The following CSMD1 variants were observed in gnomAD, a reference collection of about 807,000 sequenced individuals.
CSMD1 encodes the protein CUB and Sushi multiple domains 1.
Under a neutral mutation model 417.5 loss-of-function variants are expected in CSMD1, and 213 were observed. The ratio of observed to expected loss-of-function variants is 0.51; its 90% CI spans 0.46 to 0.57. The LOEUF is 0.57. CSMD1 is among the 20% of genes least tolerant of loss of function. CSMD1 has a pLI of 0.00. For synonymous variants in CSMD1, 2,862 were observed against 1,736.8 expected (o/e 1.65, Z -16.11); for missense variants, 6,923 against 4,529.7 (o/e 1.53, Z -15.17).
chr8:4,987,573 A>G (rs1415716554), intron 1 of CSMD1, among the ~76,000 whole-genome samples: 1 of 152,236 alleles, frequency 6.6e-6, no homozygotes, highest in Non-Finnish European at 1.5e-5. Flanking sequence ...GCCAAAAAGT[A>G]AAAAATAAAA....
chr8:4,456,332 C>G (rs1563195427), intron 2 of CSMD1, among the ~76,000 whole-genome samples: 1 of 152,072 alleles, frequency 6.6e-6, no homozygotes, highest in Admixed American at 6.6e-5. Context: ...AAAAATTAGT[C>G]ATAGAGCAGG....
At chr8:4,482,421 G>A (rs368591113) in intron 2 of CSMD1, among the ~76,000 whole-genome samples, 2 of 152,130 alleles carry the variant, frequency 1.3e-5, no homozygotes, top group East Asian at 3.9e-4. Context: ...CAAAGGACAT[G>A]ATCTTATTTG....
chr8:3,087,345 T>C (rs1050873654), intron 48 of CSMD1, 60 bp from the exon 49 acceptor site: 10 of 1,545,208 alleles, frequency 6.5e-6, no homozygotes, highest in African/African-American at 2.7e-5. Context: ...GCCAGTGCCA[T>C]TGCCTTTGTG....
At chr8:4,070,718 A>C (rs748151112) in intron 3 of CSMD1, among the ~76,000 whole-genome samples, 2 of 152,102 alleles carry the variant, frequency 1.3e-5, no homozygotes, top group African/African-American at 4.8e-5. Flanking sequence ...GGTTGTTTCC[A>C]TGAAGCCCGA....
chr8:3,494,749 G>T (rs968779934), intron 10 of CSMD1, among the ~76,000 whole-genome samples: 2 of 152,162 alleles, frequency 1.3e-5, no homozygotes, highest in African/African-American at 4.8e-5. Flanking sequence ...AGAAAGGAAG[G>T]CGGAAGAGAG....
intron 2 of CSMD1, among the ~76,000 whole-genome samples, chr8:4,488,999 C>T (rs528405724): frequency 6.6e-6 from 1 of 152,322 alleles, no homozygotes; most frequent in East Asian, 1.9e-4. Context: ...GCACGTCCGC[C>T]TCCCAGCTTC....
intron 7 of CSMD1, among the ~76,000 whole-genome samples, chr8:3,670,616 G>C (rs895293290): frequency 6.8e-6 from 1 of 146,204 alleles, no homozygotes; most frequent in African/African-American, 2.5e-5. Context: ...ATATATATGG[G>C]GATATATATA....
At chr8:4,061,745 A>G (rs940631111) in intron 3 of CSMD1, among the ~76,000 whole-genome samples, 2 of 152,150 alleles carry the variant, frequency 1.3e-5, no homozygotes, top group African/African-American at 2.4e-5. Flanking sequence ...CTAATGAGTG[A>G]GTCACCTCTC....
chr8:4,046,721 A>G (rs1313629347), intron 3 of CSMD1, among the ~76,000 whole-genome samples: 1 of 152,170 alleles, frequency 6.6e-6, no homozygotes, highest in Non-Finnish European at 1.5e-5. Flanking sequence ...TAAATGACCT[A>G]ATGATTTAAA....
In CSMD1 at chr8:4,407,173, A is replaced by G. The variant is rs1004104435; in HGVS notation, c.415+12780T>C. On this transcript the variant is annotated intron_variant, in intron 3 of 69. Coordinates refer to ENST00000635120, the MANE Select transcript of CSMD1 (RefSeq NM_033225.6). The stretch of plus-strand genomic sequence containing the variant: ...AAAAGAGTAACTCTGGCCCTTTACC[A>G]AAGAAGTTTGCCAGTCCTCTTTAGA... 5.9e-5 allele frequency among the ~76,000 whole-genome samples: 9 copies of G among 152,302 alleles called. No individual in the cohort carries two copies. The South Asian group carries it at 1.2e-3, about 21-fold the overall frequency.
intron 3 of CSMD1, among the ~76,000 whole-genome samples, chr8:4,396,428 C>G (rs893106937): frequency 6.6e-6 from 1 of 152,160 alleles, no homozygotes; most frequent in Non-Finnish European, 1.5e-5. Flanking sequence ...GACTGCACCA[C>G]TGAACTCTAG....
chr8:3,962,735 T>C (rs577808713), intron 5 of CSMD1, among the ~76,000 whole-genome samples: 1 of 152,242 alleles, frequency 6.6e-6, no homozygotes, highest in Admixed American at 6.5e-5. Context: ...CGGGTTGGAC[T>C]CAAGGCTGGA....
At chr8:3,029,269 G>C (rs962886594) in intron 51 of CSMD1, 50 bp downstream of exon 51, 4 of 1,488,804 alleles carry the variant, frequency 2.7e-6, no homozygotes, top group East Asian at 2.3e-5. Flanking sequence ...AAGCCATCTA[G>C]AATAATCTAG....
chr8:4,973,036 A>C (rs1290857641), intron 1 of CSMD1, among the ~76,000 whole-genome samples: 1 of 152,178 alleles, frequency 6.6e-6, no homozygotes, highest in Non-Finnish European at 1.5e-5. Flanking sequence ...TAAAAGATGT[A>C]GTAAAGAAGG....
At chr8:4,307,934 G>A (rs1158786566) in intron 3 of CSMD1, among the ~76,000 whole-genome samples, 1 of 152,186 alleles carries the variant, frequency 6.6e-6, no homozygotes, top group Non-Finnish European at 1.5e-5. Flanking sequence ...CCGGATGCAA[G>A]GGTCTTCGGT....
chr8:4,152,208 A>T (rs1292286834), intron 3 of CSMD1, among the ~76,000 whole-genome samples: 1 of 152,222 alleles, frequency 6.6e-6, no homozygotes, highest in Non-Finnish European at 1.5e-5. Context: ...GAGAAGAAGG[A>T]ACACCATACA....
intron 2 of CSMD1, among the ~76,000 whole-genome samples, chr8:4,533,002 C>G (rs912061401): frequency 1.3e-5 from 2 of 152,288 alleles, no homozygotes; most frequent in South Asian, 4.1e-4. Context: ...AAATCCTGCA[C>G]CCCTACTCAC....
chr8:3,503,136 G>T (rs756190488), intron 10 of CSMD1, among the ~76,000 whole-genome samples: 1 of 152,132 alleles, frequency 6.6e-6, no homozygotes, highest in Non-Finnish European at 1.5e-5. Flanking sequence ...ACAGTATACA[G>T]TGTGAAATTA....
intron 5 of CSMD1, among the ~76,000 whole-genome samples, chr8:3,885,681 C>T (rs1310087000): frequency 6.6e-6 from 1 of 152,094 alleles, no homozygotes; most frequent in East Asian, 1.9e-4. Flanking sequence ...CTTTCTCAAG[C>T]TCACAGAAAT....
Sources: allele counts gnomAD v4.1 joint callset (sites outside exome capture counted in the v4.1 genomes callset), GRCh38; gene constraint gnomAD v4.1.1; transcripts MANE v1.5; gene names NCBI Gene and HGNC (gene_info 2026-07-23, HGNC 2026-07-21).